Variants in SRRM3 observed in about 807,000 individuals in gnomAD.
SRRM3 encodes the protein serine/arginine repetitive matrix protein 3.
In SRRM3, 27 loss-of-function variants were observed where a neutral mutation model predicts 66.2. The ratio of observed to expected loss-of-function variants is 0.41; its 90% CI spans 0.30 to 0.56. The LOEUF is 0.56. Ranked by LOEUF, SRRM3 falls within the 20% of genes least tolerant of loss-of-function variation. The probability of loss-of-function intolerance (pLI) is 0.32; values close to 1 mark genes in which losing one functional copy is unlikely to be tolerated. For synonymous variants in SRRM3, 391 were observed against 414.9 expected (o/e 0.94, Z 0.70); for missense variants, 918 against 991.9 (o/e 0.93, Z 1.00).
chr7:76,216,404 T>C (rs146816247), intron 1 of SRRM3, among the ~76,000 whole-genome samples: 2,222 of 152,338 alleles, frequency 0.015, 59 homozygotes, highest in African/African-American at 0.05. Context: ...CACAAAGTGC[T>C]GGGATTACAT....
intron 3 of SRRM3, 101 bp downstream of exon 3, chr7:76,248,390 C>T (rs1199486770): frequency 1.3e-6 from 1 of 782,698 alleles, no homozygotes; most frequent in Non-Finnish European, 2.2e-6. Flanking sequence ...CTGGTTGGGG[C>T]TCAGGTGAGG....
chr7:76,282,796 A>C lies in SRRM3; in HGVS notation c.1519A>C (p.Lys507Gln). ...CTGGAGCTCCAGCCGCTCGCCCTCC[A>C]AATCTCGCTCGCGCTCTGCGGAGAA... The part of the protein sequence containing the change: ...RSWSSSRSPS[K>Q]SRSRSAEKRP... Residue 507 changes from lysine to glutamine, a missense_variant, in exon 13 of 15, where the codon AAA (lysine) becomes CAA (glutamine). Lys to Gln is a moderately conservative substitution (Grantham distance 53). Transcript: ENST00000611745. 1 of 1,465,774 alleles carries C rather than the reference A, an allele frequency of 6.8e-7. No individual in the cohort carries two copies. The allele number at this position is 1,465,774 out of a possible 1,614,324, so 90.8% of individuals were successfully genotyped here.
Position 76,280,818 on chromosome 7 carries a change from C to T in SRRM3, c.1009-623C>T, listed in dbSNP as rs894492195. 4.2e-5 allele frequency among the ~76,000 whole-genome samples: 6 copies of T among 141,970 alleles called. No homozygotes were observed. In the East Asian group the frequency reaches 1.2e-3, roughly 28 times the overall value. The allele number at this position is 141,970 out of a possible 152,430, so 93.1% of individuals were successfully genotyped here. A position where few individuals can be genotyped will look rare whatever the true frequency, so the allele number is the denominator to read the frequency against. ...CTTCTCGCTCCTCTTGCTCTGTCCT[C>T]TCTCTGCCCCCACTCTTGTCCCCTG... On this transcript the variant is annotated intron_variant, in intron 11 of 14. Transcript: ENST00000611745.
rs75628955 is a variant in SRRM3, at chr7:76,254,708, G to A, written c.336-5198G>A. ...TCCTACCAGCTCACCCACACAATAC[G>A]CAATGTGAGCTTAAGTTTTGCTAAA... On this transcript the variant is annotated intron_variant, in intron 3 of 14. Transcript: ENST00000611745. Among the ~76,000 whole-genome samples the A allele has an allele frequency of 5.6e-3, 849 of 152,222 alleles. 10 individuals carry two copies. Among genetic ancestry groups the A allele is most frequent in the African/African-American group, 0.019 (780 of 41,532 alleles).
At chr7:76,235,992 C>T (rs1332995636) in intron 2 of SRRM3, among the ~76,000 whole-genome samples, 9 of 69,706 alleles carry the variant, frequency 1.3e-4, no homozygotes, top group Non-Finnish European at 7.6e-5. Flanking sequence ...GGCAACAGAT[C>T]GAGATTCTGT....
At chr7:76,239,149 C>T (rs1801222048) in intron 2 of SRRM3, among the ~76,000 whole-genome samples, 1 of 152,158 alleles carries the variant, frequency 6.6e-6, no homozygotes. Context: ...TCTCCTGCCT[C>T]AGCCTTCCGA....
chr7:76,202,109 G>A, intron 1 of SRRM3, 42 bp downstream of exon 1: 1 of 152,560 alleles, frequency 6.6e-6, no homozygotes, highest in Middle Eastern at 3.4e-3. Context: ...CCGAGGGGCT[G>A]GGGCTGGGTG....
At chr7:76,220,376 C>T (rs1800680097) in intron 1 of SRRM3, among the ~76,000 whole-genome samples, 1 of 152,092 alleles carries the variant, frequency 6.6e-6, no homozygotes, top group South Asian at 2.1e-4. Context: ...TGAGGAAGAA[C>T]CTTCCAGGCA....
Position 76,264,794 on chromosome 7 carries a change from A to C in SRRM3, c.704A>C (p.Glu235Ala). The C allele has an allele frequency of 6.2e-7, 1 of 1,613,738 alleles. No individual in the cohort carries two copies. Among genetic ancestry groups the C allele is most frequent in the East Asian group, 2.2e-5 (1 of 44,884 alleles). The change falls in exon 9 of 15, where the codon GAG becomes GCG. Residue 235 changes from glutamate (E) to alanine (A), a missense_variant. Glu to Ala is a moderately radical substitution (Grantham distance 107). Transcript: ENST00000611745. Reference protein sequence around the residue: ...RSRSSKCKRKEKNKEKKRPHT... With the variant: ...RSRSSKCKRKAKNKEKKRPHT... Reference sequence around the variant, plus strand: ...CGAAGCTCCAAGTGCAAAAGAAAAGAGAAGAACAAAGAGAAGAAGAGGTAA... The same window carrying C: ...CGAAGCTCCAAGTGCAAAAGAAAAGCGAAGAACAAAGAGAAGAAGAGGTAA...
intron 2 of SRRM3, among the ~76,000 whole-genome samples, chr7:76,244,123 C>A (rs1331963831): frequency 1.3e-5 from 2 of 152,126 alleles, no homozygotes; most frequent in South Asian, 2.1e-4. Context: ...AGAAAAGCCC[C>A]CCACCCCTAA....
intron 12 of SRRM3, 44 bp downstream of exon 12, chr7:76,281,846 C>A: frequency 8.4e-7 from 1 of 1,196,326 alleles, no homozygotes; most frequent in Non-Finnish European, 1.0e-6. Context: ...CCCCACCCCG[C>A]ACAGGGCTCC....
In SRRM3 at chr7:76,208,585, A is replaced by G. The variant is rs550642012; in HGVS notation, c.-40+6518A>G. 2.0e-5 allele frequency among the ~76,000 whole-genome samples: 3 copies of G among 152,250 alleles called. No homozygotes were observed. The South Asian group carries it at 6.2e-4, about 32-fold the overall frequency. ...CACGGTGGCTCACGCCTGTAATCCC[A>G]GCAGTTTGGGAGGCTGAGGTGGGCA... On this transcript the variant is annotated intron_variant, in intron 1 of 14. Transcript: ENST00000611745.
chr7:76,202,132 T>TC (rs1800160905), intron 1 of SRRM3, 65 bp downstream of exon 1: 1 of 152,184 alleles, frequency 6.6e-6, no homozygotes, highest in Non-Finnish European at 1.5e-5. Flanking sequence ...AGCTCGGGCC[T>TC]CCCCAGCACC....
rs1554604614 is a variant in SRRM3 at position 76,235,026 on chromosome 7, A to AGGGCCAGCGGCCC, written c.-39-1_-28dup. On this transcript the variant is annotated splice_acceptor_variant, in intron 1 of 14. Transcript: ENST00000611745. LOFTEE classifies it low-confidence loss of function (5UTR_SPLICE). ...CGCCTCGTGTCTGTGTCTGTCCCTC[A>AGGGCCAGCGGCCC]GGGCCAGCGGCCCAGGCCAGCGGCT... The AGGGCCAGCGGCCC allele has an allele frequency of 2.0e-6, 3 of 1,499,114 alleles. No individual in the cohort carries two copies. The highest frequency in any genetic ancestry group is 4.5e-5 in the Admixed American group (2 of 44,310). The allele number at this position is 1,499,114 out of a possible 1,614,324, so 92.9% of individuals were successfully genotyped here.
chr7:76,238,320 A>G (rs534221951), intron 2 of SRRM3, among the ~76,000 whole-genome samples: 2 of 151,778 alleles, frequency 1.3e-5, no homozygotes, highest in Admixed American at 1.3e-4. Context: ...CTGCTCTTTT[A>G]TCAAATCGAG....
At chr7:76,204,018 G>A (rs1426385375) in intron 1 of SRRM3, among the ~76,000 whole-genome samples, 2 of 152,088 alleles carry the variant, frequency 1.3e-5, no homozygotes, top group East Asian at 1.9e-4. Context: ...CAAAGGGGGG[G>A]TCTGGGTCTG....
intron 8 of SRRM3, 118 bp downstream of exon 8, chr7:76,261,699 G>T (rs1801876814): frequency 8.5e-7 from 1 of 1,177,466 alleles, no homozygotes; most frequent in Admixed American, 2.0e-5. Flanking sequence ...CAGCTCCAGG[G>T]TTCCTTCCCA....
intron 3 of SRRM3, among the ~76,000 whole-genome samples, chr7:76,251,096 G>A (rs1356188754): frequency 6.6e-6 from 1 of 152,252 alleles, no homozygotes; most frequent in Non-Finnish European, 1.5e-5. Flanking sequence ...ATGAGGAAGA[G>A]CGTGCTGCCG....
At chr7:76,216,803 A>G (rs782385744) in intron 1 of SRRM3, among the ~76,000 whole-genome samples, 1 of 152,016 alleles carries the variant, frequency 6.6e-6, no homozygotes, top group Non-Finnish European at 1.5e-5. Context: ...TCGGGGGAGG[A>G]AAGACCGGGA....
Sources: gnomAD v4.1 joint callset for allele counts (sites outside exome capture counted in the v4.1 genomes callset) on GRCh38, gnomAD v4.1.1 for gene constraint, MANE v1.5 for transcripts, NCBI Gene and HGNC (gene_info 2026-07-23, HGNC 2026-07-21) for gene names.